The following CA7 variants were observed in gnomAD, a reference collection of about 807,000 sequenced individuals.
CA7 encodes the protein carbonate dehydratase VII.
CA7 carries 13 observed loss-of-function variants against 31.4 expected under a neutral mutation model. The ratio of observed to expected loss-of-function variants is 0.41; its 90% confidence interval spans 0.27 to 0.66. The LOEUF (loss-of-function observed/expected upper bound fraction) is 0.66. CA7 is among the 30% of genes least tolerant of loss of function. The probability of loss-of-function intolerance (pLI) is 0.28; values close to 1 mark genes in which losing one functional copy is unlikely to be tolerated. For synonymous variants in CA7, 128 were observed against 133.2 expected (o/e 0.96, Z 0.27); for missense variants, 215 against 351.0 (o/e 0.61, Z 3.10).
intron 2 of CA7, among the ~76,000 whole-genome samples, chr16:66,849,797 G>A (rs1961001196): frequency 6.6e-6 from 1 of 152,144 alleles, no homozygotes; most frequent in Admixed American, 6.5e-5. Context: ...CAAGGGACAG[G>A]GGTCTAGGGG....
At chr16:66,844,804 C>T in intron 1 of CA7, 1 of 822,416 alleles carries the variant, frequency 1.2e-6, no homozygotes, top group African/African-American at 1.8e-5. Context: ...GATTGCCCAG[C>T]CCGCTCAGAC....
chr16:66,850,656 C>A lies in CA7; in HGVS notation c.354C>A (p.Ser118Arg). 6 of 1,599,170 alleles carry A rather than the reference C, an allele frequency of 3.8e-6. No individual in the cohort carries two copies. The highest frequency in any genetic ancestry group is 2.2e-5 in the East Asian group (1 of 44,798). ...EHTVDGKSFP[S>R]ELHLVHWNAK... is the part of the protein sequence containing the mutation. ...CGGTGGACGGCAAGTCCTTCCCCAGCGAGGTACGGGCCCTCCTCCACTTGA... is the reference window on the plus strand; with the variant it reads ...CGGTGGACGGCAAGTCCTTCCCCAGAGAGGTACGGGCCCTCCTCCACTTGA... The change falls in exon 3 of 7, where the codon AGC becomes AGA. Residue 118 changes from serine (S) to arginine (R), a missense_variant. Coordinates refer to ENST00000338437, the MANE Select transcript of CA7 (RefSeq NM_005182.3).
intron 1 of CA7, 23 bp downstream of exon 1, chr16:66,844,550 G>A: frequency 6.5e-7 from 1 of 1,535,810 alleles, no homozygotes; most frequent in South Asian, 1.2e-5. Context: ...CTCCCCCACC[G>A]CCTCTGGCTC....
Position 66,852,806 on chromosome 16 carries a change from C to T in CA7, c.611C>T (p.Pro204Leu), listed in dbSNP as rs759718788. ...TACCCGGGCTCTCTGACGACTCCCC[C>T]ACTCAGTGAGAGTGTCACCTGGATT... ...WTYPGSLTTP[P>L]LSESVTWIVL... The change falls in exon 6 of 7, where the codon CCA (proline) becomes CTA (leucine). Residue 204 changes from proline (P) to leucine (L), a missense_variant. Physicochemically the swap from Pro to Leu is moderately conservative, Grantham distance 98. Transcript: ENST00000338437. 6.2e-7 allele frequency: 1 copy of T among 1,613,966 alleles called. No individual in the cohort carries two copies. Among genetic ancestry groups the T allele is most frequent in the Non-Finnish European group, 8.5e-7 (1 of 1,180,012 alleles).
At chr16:66,845,298 C>T (rs1307107793) in intron 1 of CA7, 3 of 928,226 alleles carry the variant, frequency 3.2e-6, no homozygotes, top group African/African-American at 3.6e-5. Flanking sequence ...CCATTTCTTA[C>T]CAAGCAGGGG....
At chr16:66,847,710 C>A (rs956082362) in intron 2 of CA7, among the ~76,000 whole-genome samples, 1 of 152,160 alleles carries the variant, frequency 6.6e-6, no homozygotes, top group Non-Finnish European at 1.5e-5. Context: ...CTCAGATGGG[C>A]AAATAGAGGC....
intron 2 of CA7, among the ~76,000 whole-genome samples, chr16:66,847,734 G>A (rs1393671032): frequency 6.6e-6 from 1 of 152,186 alleles, no homozygotes; most frequent in Non-Finnish European, 1.5e-5. Context: ...ATGAGCTGGG[G>A]AGGGCCAGAA....
chr16:66,844,437 G>C lies in CA7; in HGVS notation c.-51G>C. The C allele has an allele frequency of 2.7e-6, 4 of 1,490,634 alleles. No individual in the cohort carries two copies. Among genetic ancestry groups the C allele is most frequent in the Non-Finnish European group, 3.6e-6 (4 of 1,109,070 alleles). 92.3% of individuals were successfully genotyped at this position (1,490,634 alleles called of 1,614,324 possible). On this transcript the variant is annotated 5_prime_UTR_variant, in exon 1 of 7. Transcript: ENST00000338437. ...GCGGGGCCGGAGCCGCAGCCCGAAC[G>C]AGCGGACCGAGCCGACCGGGCAGGT... is the stretch of plus-strand genomic sequence containing the variant.
chr16:66,850,114 C>T (rs1309832063), intron 2 of CA7, among the ~76,000 whole-genome samples: 1 of 118,608 alleles, frequency 8.4e-6, no homozygotes, highest in Non-Finnish European at 1.7e-5. Flanking sequence ...CAGAGCGAGA[C>T]TCCATCTCAA....
chr16:66,847,412 C>T (rs1262918292), intron 2 of CA7, among the ~76,000 whole-genome samples, 185 bp downstream of exon 2: 1 of 152,212 alleles, frequency 6.6e-6, no homozygotes, highest in Non-Finnish European at 1.5e-5. Context: ...GACCTACCCT[C>T]TTAGGTCATA....
At position 66,853,595 on chromosome 16, in the gene CA7, T is replaced by C. The variant is rs1597064725; in HGVS notation, c.*97T>C. On this transcript the variant is annotated 3_prime_UTR_variant, in exon 7 of 7. Coordinates refer to ENST00000338437, the MANE Select transcript of CA7 (RefSeq NM_005182.3). This position sits in a 1 kb window ranked among gnomAD's most constrained non-coding sequence, Gnocchi z 4.5. ...CATCTGAGGCTTCCTCCCTGGGGGG[T>C]GCTGGGGACCCTCCTTCAGCCAGTT... The C allele has an allele frequency of 3.3e-6, 5 of 1,518,316 alleles. No homozygotes were observed. The highest frequency in any genetic ancestry group is 1.2e-5 in the South Asian group (1 of 83,434). 94.1% of individuals were successfully genotyped at this position (1,518,316 alleles called of 1,614,324 possible). A position where few individuals can be genotyped will look rare whatever the true frequency, so the allele number is the denominator to read the frequency against.
chr16:66,852,366 G>A (rs1010442656), intron 5 of CA7, among the ~76,000 whole-genome samples: 2 of 151,960 alleles, frequency 1.3e-5, no homozygotes, highest in Non-Finnish European at 2.9e-5. Context: ...GGGAGGCTGA[G>A]AGAGGAGAAT....
intron 1 of CA7, 43 bp downstream of exon 1, chr16:66,844,570 A>G (rs1430237802): frequency 6.7e-7 from 1 of 1,484,560 alleles, no homozygotes; most frequent in Non-Finnish European, 9.1e-7. Flanking sequence ...CGGACCCCCG[A>G]CCCAACTGCA....
At chr16:66,844,858 C>G in intron 1 of CA7, 1 of 1,030,776 alleles carries the variant, frequency 9.7e-7, no homozygotes, top group Non-Finnish European at 1.2e-6. Context: ...GTGCGCAGCG[C>G]GTGGGGGTGG....
At chr16:66,850,884 G>A (rs1961031696) in intron 3 of CA7, among the ~76,000 whole-genome samples, 1 of 151,920 alleles carries the variant, frequency 6.6e-6, no homozygotes, top group East Asian at 1.9e-4. Flanking sequence ...TTTTCTGAAG[G>A]GCTACCCAGT....
rs201012946 is a variant in CA7 at position 66,851,692 on chromosome 16, G to T, written c.482G>T (p.Arg161Leu). The T allele has an allele frequency of 3.7e-5, 60 of 1,613,984 alleles. No homozygotes were observed. The highest frequency in any genetic ancestry group is 1.0e-4 in the Admixed American group (6 of 59,982). Residue 161 changes from arginine (R) to leucine (L), a missense_variant, in exon 5 of 7, where the codon CGT becomes CTT. Arg to Leu is a moderately radical substitution (Grantham distance 102, BLOSUM62 -2). Coordinates refer to ENST00000338437, the MANE Select transcript of CA7 (RefSeq NM_005182.3). ...ETGDEHPSMN[R>L]LTDALYMVRF... Reference sequence around the variant, plus strand: ...GGAGACGAGCACCCCAGCATGAATCGTCTGACAGATGCGCTCTACATGGTC... The same window carrying T: ...GGAGACGAGCACCCCAGCATGAATCTTCTGACAGATGCGCTCTACATGGTC...
chr16:66,849,594 T>C (rs1389509496), intron 2 of CA7, among the ~76,000 whole-genome samples: 1 of 152,330 alleles, frequency 6.6e-6, no homozygotes, highest in African/African-American at 2.4e-5. Flanking sequence ...CTCTTCAACC[T>C]AGCCCTGGAT....
At position 66,853,435 on chromosome 16, in the gene CA7, G is replaced by A; in HGVS notation, c.732G>A (p.Val244=). ...AGGACGATGAGAGGATCCACATGGTGAACAACTTCCGGCCACCACAGCCAC... is the reference window on the plus strand; with the variant it reads ...AGGACGATGAGAGGATCCACATGGTAAACAACTTCCGGCCACCACAGCCAC... ...TSEDDERIHM[V]NNFRPPQPLK... Residue 244 remains valine, a synonymous_variant, in exon 7 of 7, where the codon GTG becomes GTA. Transcript: ENST00000338437. This position sits in a 1 kb window ranked among gnomAD's most constrained non-coding sequence, Gnocchi z 4.5. The A allele has an allele frequency of 5.0e-6, 8 of 1,614,190 alleles. No homozygotes were observed. The highest frequency in any genetic ancestry group is 6.8e-6 in the Non-Finnish European group (8 of 1,180,034).
chr16:66,846,539 T>G (rs1305030671), intron 1 of CA7, among the ~76,000 whole-genome samples: 3 of 152,174 alleles, frequency 2.0e-5, no homozygotes, highest in Admixed American at 2.0e-4. Flanking sequence ...ATGGGGATCT[T>G]GCTGGTTTCT....
Sources: allele counts gnomAD v4.1 joint callset (sites outside exome capture counted in the v4.1 genomes callset), GRCh38; gene constraint gnomAD v4.1.1; non-coding constraint Gnocchi (gnomAD v3.1); transcripts MANE v1.5; gene names NCBI Gene and HGNC (gene_info 2026-07-23, HGNC 2026-07-21).